ABCB5: variants seen among roughly 807,000 people sequenced by gnomAD.
ABCB5 encodes ATP-binding cassette sub-family B member 5.
ABCB5 carries 155 observed loss-of-function variants against 144.2 expected under a neutral mutation model. The ratio of observed to expected loss-of-function variants is 1.08; its 90% CI spans 0.94 to 1.23. ABCB5 has a LOEUF of 1.23. Among genes scored for constraint, ABCB5 ranks in the 50% most tolerant of loss-of-function variants. ABCB5 has a pLI of 0.00. For missense variants in ABCB5, 1,830 were observed against 1,520.8 expected (o/e 1.20, Z -3.38); for synonymous variants, 610 against 528.6 (o/e 1.15, Z -2.11).
In ABCB5 at chr7:20,631,094, G is replaced by C. The variant is rs1784028745; in HGVS notation, c.260-965G>C. 1.3e-5 allele frequency among the ~76,000 whole-genome samples: 2 copies of C among 152,122 alleles called. 1 individual carries two copies. The highest frequency in any genetic ancestry group is 4.1e-4 in the South Asian group (2 of 4,834). ...AAAATATGAATAATAGCTATCATTA[G>C]TTGGGGATCCATTTTTGTGTGAGTC... On this transcript the variant is annotated intron_variant, in intron 4 of 27. Coordinates refer to ENST00000404938, the MANE Select transcript of ABCB5 (RefSeq NM_001163941.2).
chr7:20,685,592 C>T (rs1457724129), intron 15 of ABCB5, 104 bp from the exon 16 acceptor site: 2 of 1,068,014 alleles, frequency 1.9e-6, no homozygotes, highest in Non-Finnish European at 2.6e-6. Context: ...GAATATGCCA[C>T]TTTCAATAGC....
At chr7:20,627,126 C>T (rs1031332886) in intron 3 of ABCB5, among the ~76,000 whole-genome samples, 1 of 152,068 alleles carries the variant, frequency 6.6e-6, no homozygotes, top group African/African-American at 2.4e-5. Context: ...GTTTAAGGAG[C>T]GTTTCATGCA....
At chr7:20,638,939 G>T (rs891629168) in intron 5 of ABCB5, among the ~76,000 whole-genome samples, 8 of 152,142 alleles carry the variant, frequency 5.3e-5, no homozygotes, top group Non-Finnish European at 1.2e-4. Context: ...CTGCCAAACT[G>T]TTTTTTCAAA....
At chr7:20,674,361 A>T (rs1351552927) in intron 14 of ABCB5, among the ~76,000 whole-genome samples, 1 of 151,724 alleles carries the variant, frequency 6.6e-6, no homozygotes, top group African/African-American at 2.4e-5. Flanking sequence ...GTTTTGAAAA[A>T]TTTATTTCCT....
In ABCB5 at chr7:20,632,048, C is replaced by CT; in HGVS notation, c.260-5dup. The CT allele has an allele frequency of 1.3e-6, 2 of 1,492,880 alleles. No homozygotes were observed. 92.5% of individuals were successfully genotyped at this position (1,492,880 alleles called of 1,614,324 possible). Reference sequence around the variant, plus strand: ...TAATTTCCTCTATATTTTAAATAACCTTTTTTACAGCAAATTATCAGAACT... The same window carrying CT: ...TAATTTCCTCTATATTTTAAATAACCTTTTTTTACAGCAAATTATCAGAACT... On this transcript the variant is annotated splice_polypyrimidine_tract_variant and intron_variant, in intron 4 of 27. Transcript: ENST00000404938.
Position 20,675,224 on chromosome 7 carries a change from C to A in ABCB5, c.1708-6281C>A, listed in dbSNP as rs530317425. ...AAGAAAAACAAAGCTGAAGGCATCA[C>A]ACTTCCTGATTTCAAAATACATTAC... On this transcript the variant is annotated intron_variant, in intron 14 of 27. Coordinates refer to ENST00000404938, the MANE Select transcript of ABCB5 (RefSeq NM_001163941.2). Among the ~76,000 whole-genome samples the A allele has an allele frequency of 2.0e-5, 3 of 152,158 alleles. No individual in the cohort carries two copies. The East Asian group carries it at 5.8e-4, about 29-fold the overall frequency.
chr7:20,642,467 G>A (rs1256384399), intron 5 of ABCB5, among the ~76,000 whole-genome samples: 2 of 152,048 alleles, frequency 1.3e-5, no homozygotes, highest in South Asian at 2.1e-4. Flanking sequence ...CCCAACCCAT[G>A]TTTACTCACC....
chr7:20,699,442 T>C (rs984420249), intron 17 of ABCB5, among the ~76,000 whole-genome samples: 4 of 152,222 alleles, frequency 2.6e-5, no homozygotes, highest in African/African-American at 9.6e-5. Flanking sequence ...GGCTCACGCC[T>C]GTAATCCCAG....
intron 14 of ABCB5, among the ~76,000 whole-genome samples, chr7:20,674,849 A>G (rs1312361246): frequency 6.6e-6 from 1 of 151,838 alleles, no homozygotes; most frequent in Non-Finnish European, 1.5e-5. Context: ...TAAAAAAATT[A>G]GTTGCATTTC....
At chr7:20,695,030 T>C (rs1369982946) in intron 16 of ABCB5, among the ~76,000 whole-genome samples, 1 of 151,954 alleles carries the variant, frequency 6.6e-6, no homozygotes, top group Non-Finnish European at 1.5e-5. Flanking sequence ...TCTCCTCCAA[T>C]TGAATTCACA....
Position 20,755,479 on chromosome 7 carries a change from T to A in ABCB5, c.3629T>A (p.Val1210Asp), listed in dbSNP as rs1783060054. Residue 1210 changes from valine (V) to aspartate (D), a missense_variant, in exon 28 of 28, where the codon GTC becomes GAC. Transcript: ENST00000404938. The part of the protein sequence containing the change: ...KARTGRTCLV[V>D]THRLSAIQNA... ...AGGACGGGAAGGACATGCCTAGTGGTCACTCACAGGCTCTCTGCAATTCAG... is the reference window on the plus strand; with the variant it reads ...AGGACGGGAAGGACATGCCTAGTGGACACTCACAGGCTCTCTGCAATTCAG... 1 of 1,614,062 alleles carries A rather than the reference T, an allele frequency of 6.2e-7. No homozygotes were observed. The highest frequency in any genetic ancestry group is 8.5e-7 in the Non-Finnish European group (1 of 1,180,036).
chr7:20,680,702 A>T (rs1785764915), intron 14 of ABCB5, among the ~76,000 whole-genome samples: 1 of 152,062 alleles, frequency 6.6e-6, no homozygotes, highest in African/African-American at 2.4e-5. Context: ...ATCTGTATGT[A>T]CCCTTATGTG....
At chr7:20,706,121 C>G (rs571903589) in intron 20 of ABCB5, among the ~76,000 whole-genome samples, 3 of 152,198 alleles carry the variant, frequency 2.0e-5, no homozygotes, top group South Asian at 2.1e-4. Context: ...TAGAATTTCA[C>G]TTAATAATCA....
At chr7:20,618,965 G>C (rs1246123152) in intron 1 of ABCB5, among the ~76,000 whole-genome samples, 1 of 151,464 alleles carries the variant, frequency 6.6e-6, no homozygotes, top group Admixed American at 6.6e-5. Context: ...AGTGGAGACG[G>C]GGTTTCACCA....
At chr7:20,710,882 T>A (rs1213280884) in intron 20 of ABCB5, among the ~76,000 whole-genome samples, 1 of 150,168 alleles carries the variant, frequency 6.7e-6, no homozygotes, top group Admixed American at 6.7e-5. Flanking sequence ...TGGATTAAAA[T>A]TTTTTAGTAT....
At chr7:20,752,667 T>C in intron 26 of ABCB5, among the ~76,000 whole-genome samples, 1 of 152,056 alleles carries the variant, frequency 6.6e-6, no homozygotes, top group Non-Finnish European at 1.5e-5. Flanking sequence ...GCCAACGTGG[T>C]GAAACCTCAT....
chr7:20,623,475 T>C (rs926630208), intron 2 of ABCB5, 137 bp downstream of exon 2: 2 of 700,474 alleles, frequency 2.9e-6, no homozygotes, highest in Non-Finnish European at 5.0e-6. Flanking sequence ...AACTTGAACA[T>C]AAGCAGTCTT....
chr7:20,679,338 A>T (rs1400741814), intron 14 of ABCB5, among the ~76,000 whole-genome samples: 1 of 151,964 alleles, frequency 6.6e-6, no homozygotes, highest in African/African-American at 2.4e-5. Flanking sequence ...GCATGGTGGC[A>T]GGTGCCTGTA....
In ABCB5 at chr7:20,710,232, T is replaced by TG. The variant is rs199698575; in HGVS notation, c.2421+5431dup. Among the ~76,000 whole-genome samples, 700 of 146,286 alleles carry TG rather than the reference T, an allele frequency of 4.8e-3. 35 individuals are homozygous for TG. The highest frequency in any genetic ancestry group is 0.016 in the African/African-American group (641 of 39,386). On this transcript the variant is annotated intron_variant, in intron 20 of 27. Coordinates refer to ENST00000404938, the MANE Select transcript of ABCB5 (RefSeq NM_001163941.2). Reference sequence around the variant, plus strand: ...TCTACTAAAAATTAGGTGGGCGTGGTGGGGGGCATCTATAATCCCAGCTAC... The same window carrying TG: ...TCTACTAAAAATTAGGTGGGCGTGGTGGGGGGGCATCTATAATCCCAGCTAC...
Sources: gnomAD v4.1 joint callset for allele counts (sites outside exome capture counted in the v4.1 genomes callset) on GRCh38, gnomAD v4.1.1 for gene constraint, MANE v1.5 for transcripts, NCBI Gene and HGNC (gene_info 2026-07-23, HGNC 2026-07-21) for gene names.